PKN3: variants seen among roughly 807,000 people sequenced by gnomAD.
PKN3 encodes the protein protein kinase N3.
A neutral mutation model predicts 113.1 loss-of-function variants in PKN3; 91 were observed. The observed-to-expected ratio is 0.80, with a 90% CI of 0.68 to 0.96. The LOEUF (loss-of-function observed/expected upper bound fraction) is 0.96, where lower values mean the gene tolerates loss of function less well. PKN3 is among the 40% of genes least tolerant of loss of function. The pLI, the probability that PKN3 is intolerant of heterozygous loss-of-function variation, is 0.00. For synonymous variants in PKN3, 467 were observed against 499.0 expected, an observed-to-expected ratio of 0.94 and a Z score of 0.85; for missense variants, 1,052 against 1,202.2, an observed-to-expected ratio of 0.88 and a Z score of 1.85.
Position 128,715,274 on chromosome 9 carries a change from G to T in PKN3, c.1716+39G>T. On this transcript the variant is annotated intron_variant, in intron 14 of 21. Coordinates refer to ENST00000291906, the MANE Select transcript of PKN3 (RefSeq NM_013355.5). This position sits in a 1 kb window ranked among gnomAD's most constrained non-coding sequence, Gnocchi z 4.1. ...GAGGGTGGTATGGGACGGGATTGGG[G>T]GCCTCATCACATGAGCCGGGAGGAC... 6.2e-7 allele frequency: 1 copy of T among 1,610,558 alleles called. No individual in the cohort carries two copies. The highest frequency in any genetic ancestry group is 1.1e-5 in the South Asian group (1 of 91,010).
At chr9:128,714,419 T>C in intron 11 of PKN3, 54 bp downstream of exon 11, 1 of 1,441,708 alleles carries the variant, frequency 6.9e-7, no homozygotes, top group South Asian at 1.2e-5. Context: ...GCTTCCTGAC[T>C]CCAGATCCAG....
Position 128,720,261 on chromosome 9 carries a change from T to C in PKN3, c.2435T>C (p.Ile812Thr). Residue 812 changes from isoleucine to threonine, a missense_variant, in exon 21 of 22, where the codon ATC (isoleucine) becomes ACC (threonine). Coordinates refer to ENST00000291906, the MANE Select transcript of PKN3 (RefSeq NM_013355.5). This position sits in a 1 kb window ranked among gnomAD's most constrained non-coding sequence, Gnocchi z 5.5. Reference sequence around the variant, plus strand: ...GCAGGTGAGCAGGATGCCGAGGAGATCAAGGTCCAGCCATTCTTCAGGGTG... The same window carrying C: ...GCAGGTGAGCAGGATGCCGAGGAGACCAAGGTCCAGCCATTCTTCAGGGTG... ...LGAGEQDAEEIKVQPFFRTTN... is the reference protein window; with the variant it reads ...LGAGEQDAEETKVQPFFRTTN... 2 of 1,613,790 alleles carry C rather than the reference T, an allele frequency of 1.2e-6. No individual in the cohort carries two copies. The highest frequency in any genetic ancestry group is 8.5e-7 in the Non-Finnish European group (1 of 1,179,942).
Position 128,705,298 on chromosome 9 carries a change from T to C in PKN3, c.25-5T>C. ...TCCACCCTCTGCTTTCCACCGGCTC[T>C]GCAGCCTGGGCCGAGCCAGTGGCCC... On this transcript the variant is annotated splice_polypyrimidine_tract_variant and splice_region_variant and intron_variant, in intron 1 of 21. Transcript: ENST00000291906. The C allele has an allele frequency of 1.3e-6, 2 of 1,551,472 alleles. No individual in the cohort carries two copies. The highest frequency in any genetic ancestry group is 2.4e-5 in the South Asian group (2 of 84,272).
chr9:128,718,470 C>A, intron 17 of PKN3, 79 bp from the exon 18 acceptor site: 1 of 1,583,510 alleles, frequency 6.3e-7, no homozygotes, highest in Non-Finnish European at 8.7e-7. Flanking sequence ...CTCCGCCTGC[C>A]TGGGCTGCTC....
chr9:128,706,970 G>C lies in PKN3; in HGVS notation c.598G>C (p.Val200Leu). 1 of 1,614,210 alleles carries C rather than the reference G, an allele frequency of 6.2e-7. No homozygotes were observed. Among genetic ancestry groups the C allele is most frequent in the Middle Eastern group, 1.6e-4 (1 of 6,062 alleles). Residue 200 changes from valine to leucine, a missense_variant, in exon 5 of 22, where the codon GTG becomes CTG. Around this residue, in one of 2 missense-constraint regions of PKN3, gnomAD observed 719 missense variants for 759.4 expected, o/e 0.95. Coordinates refer to ENST00000291906, the MANE Select transcript of PKN3 (RefSeq NM_013355.5). ...EAAVAEGAKN[V>L]VKLLSSRRTQ... ...AGCTGTGGCTGAGGGCGCCAAGAAC[G>C]TGGTGAAACTGCTTAGTAGCCGGAG... is the stretch of plus-strand genomic sequence containing the variant.
chr9:128,703,475 T>C, intron 1 of PKN3: 2 of 985,254 alleles, frequency 2.0e-6, no homozygotes, highest in African/African-American at 1.7e-5. Flanking sequence ...TTTGGGTACA[T>C]AGCGGGTTCT....
In PKN3 at chr9:128,706,637, C is replaced by T. The variant is rs138974798; in HGVS notation, c.412-76C>T. On this transcript the variant is annotated intron_variant, in intron 3 of 21. Transcript: ENST00000291906. ...TAACCCTGTTTTGATGGGGGAGACC[C>T]GGCTCCAGTTCCTGGTCTGATGGGG... The T allele has an allele frequency of 5.0e-4, 561 of 1,112,830 alleles. 2 individuals are homozygous for T. In the African/African-American group the frequency reaches 6.7e-3, roughly 13 times the overall value. The allele number at this position is 1,112,830 out of a possible 1,614,324, so 68.9% of individuals were successfully genotyped here.
rs1862488246 is a variant in PKN3, at chr9:128,720,143, G to A, written c.2377-60G>A. ...CTCTGGGCCAGCGTGCTTGGGGCCTGTGGATGATGGCAGTGCCTGGGGCTG... is the reference window on the plus strand; with the variant it reads ...CTCTGGGCCAGCGTGCTTGGGGCCTATGGATGATGGCAGTGCCTGGGGCTG... On this transcript the variant is annotated intron_variant, in intron 20 of 21. Coordinates refer to ENST00000291906, the MANE Select transcript of PKN3 (RefSeq NM_013355.5). This position sits in a 1 kb window ranked among gnomAD's most constrained non-coding sequence, Gnocchi z 5.5. 1 of 1,572,068 alleles carries A rather than the reference G, an allele frequency of 6.4e-7. No individual in the cohort carries two copies. The highest frequency in any genetic ancestry group is 2.2e-5 in the East Asian group (1 of 44,494).
At position 128,705,540 on chromosome 9, in the gene PKN3, G is replaced by A. The variant is rs776514907; in HGVS notation, c.262G>A (p.Ala88Thr). 2 of 1,555,184 alleles carry A rather than the reference G, an allele frequency of 1.3e-6. No homozygotes were observed. Among genetic ancestry groups the A allele is most frequent in the Admixed American group, 1.9e-5 (1 of 51,510 alleles). The change falls in exon 2 of 22, where the codon GCT becomes ACT. Residue 88 changes from alanine to threonine, a missense_variant. Around this residue, in one of 2 missense-constraint regions of PKN3, gnomAD observed 719 missense variants for 759.4 expected, o/e 0.95. Transcript: ENST00000291906. ...ILLPGPGPGP[A>T]EPVASGPRPW... ...GCTGCCCGGCCCTGGGCCTGGCCCA[G>A]CTGGTGAGTGAGGAGCTGAGACCCC... is the stretch of plus-strand genomic sequence containing the variant.
intron 9 of PKN3, 131 bp downstream of exon 9, chr9:128,713,773 C>T: frequency 1.0e-6 from 1 of 953,266 alleles, no homozygotes; most frequent in Non-Finnish European, 1.6e-6. Flanking sequence ...GGAATAAGGG[C>T]TCCTAGCCGC....
In PKN3 at chr9:128,713,587, A is replaced by G. The variant is rs1564374589; in HGVS notation, c.1181A>G (p.Asn394Ser). The G allele has an allele frequency of 1.9e-6, 3 of 1,613,700 alleles. No individual in the cohort carries two copies. Among genetic ancestry groups the G allele is most frequent in the Non-Finnish European group, 2.5e-6 (3 of 1,179,988 alleles). Residue 394 changes from asparagine to serine, a missense_variant, in exon 9 of 22, where the codon AAT (asparagine) becomes AGT (serine). Asn to Ser is a conservative substitution (Grantham distance 46). Coordinates refer to ENST00000291906, the MANE Select transcript of PKN3 (RefSeq NM_013355.5). ...CTGAGACTTGAGGACTTCCTGGACA[A>G]TGCCTGTCACCAACTGTCCCTCAGC... ...AFLRLEDFLD[N>S]ACHQLSLSLV... is the part of the protein sequence containing the mutation.
Position 128,714,616 on chromosome 9 carries a change from G to GC in PKN3, c.1541dup (p.Arg515ThrfsTer24), listed in dbSNP as rs1862284680. 6.9e-7 allele frequency: 1 copy of GC among 1,444,152 alleles called. No homozygotes were observed. The highest frequency in any genetic ancestry group is 9.8e-7 in the Non-Finnish European group (1 of 1,025,266). The allele number at this position is 1,444,152 out of a possible 1,614,324, so 89.5% of individuals were successfully genotyped here. ...GTGAAGAGATGACACCCCCACCCAA[G>GC]CCCCCACGCCTCTACCTCCCCCAGG... On this transcript the variant is annotated frameshift_variant, in exon 12 of 22. Transcript: ENST00000291906. LOFTEE classifies it high-confidence loss of function.
intron 5 of PKN3, 40 bp from the exon 6 acceptor site, chr9:128,707,180 CAT>C: frequency 6.3e-7 from 1 of 1,584,670 alleles, no homozygotes; most frequent in Non-Finnish European, 8.6e-7. Flanking sequence ...TGCCCCCTGC[CAT>C]ATACCCCACG....
chr9:128,704,146 G>C (rs1861939144), intron 1 of PKN3: 3 of 985,264 alleles, frequency 3.0e-6, no homozygotes, highest in Non-Finnish European at 3.6e-6. Context: ...TGGGGTTCCT[G>C]CAACAGCCCG....
chr9:128,705,704 G>T lies in PKN3; in HGVS notation c.266-30G>T, dbSNP rs779517192. On this transcript the variant is annotated intron_variant, in intron 2 of 21. Coordinates refer to ENST00000291906, the MANE Select transcript of PKN3 (RefSeq NM_013355.5). ...GTGGGGGTCTCGGCTCTGGGTGAGG[G>T]ACTCCTGTGCTCGATACCCCCGTGC... is the stretch of plus-strand genomic sequence containing the variant. The T allele has an allele frequency of 1.9e-6, 3 of 1,575,664 alleles. No homozygotes were observed. The South Asian group carries it at 3.5e-5, about 18-fold the overall frequency.
In PKN3 at chr9:128,706,969, C is replaced by T. The variant is rs369418899; in HGVS notation, c.597C>T (p.Asn199=). The T allele has an allele frequency of 6.8e-6, 11 of 1,614,082 alleles. No individual in the cohort carries two copies. Among genetic ancestry groups the T allele is most frequent in the African/African-American group, 4.0e-5 (3 of 74,932 alleles). Residue 199 remains asparagine, a synonymous_variant, in exon 5 of 22, where the codon AAC becomes AAT. Coordinates refer to ENST00000291906, the MANE Select transcript of PKN3 (RefSeq NM_013355.5). ...VEAAVAEGAK[N]VVKLLSSRRT... ...CAGCTGTGGCTGAGGGCGCCAAGAACGTGGTGAAACTGCTTAGTAGCCGGA... is the reference window on the plus strand; with the variant it reads ...CAGCTGTGGCTGAGGGCGCCAAGAATGTGGTGAAACTGCTTAGTAGCCGGA...
intron 1 of PKN3, chr9:128,703,613 G>A: frequency 1.0e-6 from 1 of 985,418 alleles, no homozygotes; most frequent in East Asian, 1.1e-4. Flanking sequence ...GCGAGTGGTT[G>A]GGAGGGGGGC....
At chr9:128,718,924 C>G in intron 18 of PKN3, among the ~76,000 whole-genome samples, 1 of 119,172 alleles carries the variant, frequency 8.4e-6, no homozygotes, top group African/African-American at 2.9e-5. Flanking sequence ...GAGACGGAGT[C>G]TTGCTGTGCC....
At position 128,720,626 on chromosome 9, in the gene PKN3, T is replaced by C. The variant is rs753361536; in HGVS notation, c.*20T>C. The stretch of plus-strand genomic sequence containing the variant: ...CCCTGAGGGCATCTCCTGGCACCTC[T>C]GTCCCCTTCCCCCACAGACTGTTAG... On this transcript the variant is annotated 3_prime_UTR_variant, in exon 22 of 22. Transcript: ENST00000291906. The surrounding 1 kb of genome is among the most constrained non-coding windows in gnomAD (Gnocchi z 5.5). 3.1e-6 allele frequency: 5 copies of C among 1,599,390 alleles called. 1 individual carries two copies. In the Admixed American group the frequency reaches 8.4e-5, roughly 27 times the overall value.
Sources: gnomAD v4.1 joint callset for allele counts (sites outside exome capture counted in the v4.1 genomes callset) on GRCh38, gnomAD v4.1.1 for gene constraint, gnomAD v4.1.1 regional missense constraint, Gnocchi (gnomAD v3.1) non-coding constraint, MANE v1.5 for transcripts, NCBI Gene and HGNC (gene_info 2026-07-23, HGNC 2026-07-21) for gene names.